The following TRIQK variants were observed in gnomAD, a reference collection of about 807,000 sequenced individuals.
TRIQK encodes the protein triple QxxK/R motif containing.
TRIQK carries 10 observed loss-of-function variants against 10.8 expected under a neutral mutation model. The ratio of observed to expected loss-of-function variants is 0.92; its 90% CI spans 0.57 to 1.57. TRIQK has a LOEUF of 1.57. Ranked by LOEUF, TRIQK falls within the 40% of genes most tolerant of loss-of-function variation. The pLI is 0.00. For synonymous variants in TRIQK, 33 were observed against 33.7 expected (o/e 0.98, Z 0.07); for missense variants, 107 against 97.7 (o/e 1.09, Z -0.40).
intron 3 of TRIQK, among the ~76,000 whole-genome samples, chr8:92,901,349 T>C (rs1384012848): frequency 6.6e-6 from 1 of 152,180 alleles, no homozygotes; most frequent in Non-Finnish European, 1.5e-5. Flanking sequence ...GCTTTCACTT[T>C]TTCCTCATTC....
At chr8:92,987,670 T>A (rs1431390070) in intron 1 of TRIQK, among the ~76,000 whole-genome samples, 1 of 152,152 alleles carries the variant, frequency 6.6e-6, no homozygotes, top group African/African-American at 2.4e-5. Context: ...TAAAGAAAAT[T>A]ATAATTTTCT....
chr8:92,927,845 A>ATTTGTCTTGTTTGC (rs1220354885), intron 2 of TRIQK: 1 of 152,100 alleles, frequency 6.6e-6, no homozygotes, highest in Non-Finnish European at 1.5e-5. Flanking sequence ...TTCTTGTTTG[A>ATTTGTCTTGTTTGC]TTTGTCTTGT....
chr8:92,920,102 A>G (rs1336152126), intron 2 of TRIQK, among the ~76,000 whole-genome samples: 1 of 150,468 alleles, frequency 6.6e-6, no homozygotes, highest in Non-Finnish European at 1.5e-5. Flanking sequence ...TTTTTTTTGT[A>G]TTTTTTTGTC....
intron 2 of TRIQK, among the ~76,000 whole-genome samples, chr8:92,940,368 C>G (rs1303660743): frequency 2.0e-5 from 3 of 147,990 alleles, no homozygotes; most frequent in Non-Finnish European, 4.5e-5. Context: ...ACTGTATATA[C>G]TGTCTGCAAG....
intron 3 of TRIQK, among the ~76,000 whole-genome samples, chr8:92,897,071 C>T (rs1042095253): frequency 1.2e-4 from 19 of 152,124 alleles, no homozygotes; most frequent in African/African-American, 3.1e-4. Context: ...CCCACCTCGG[C>T]GTCCCAAAGT....
chr8:93,003,837 G>C (rs2130758732), intron 1 of TRIQK, among the ~76,000 whole-genome samples: 1 of 152,326 alleles, frequency 6.6e-6, no homozygotes, highest in Middle Eastern at 3.4e-3. Context: ...AAACTCAGCA[G>C]GGAAGTCATT....
chr8:92,966,386 C>T (rs572260183), upstream of TRIQK, among the ~76,000 whole-genome samples: 16 of 152,094 alleles, frequency 1.1e-4, no homozygotes, highest in Non-Finnish European at 2.1e-4. Flanking sequence ...GATTATTGAA[C>T]CCTCCCATCT....
At chr8:92,970,055 G>A (rs144208719), upstream of TRIQK, among the ~76,000 whole-genome samples, 479 of 152,172 alleles carry the variant, frequency 3.1e-3, 3 homozygotes, top group African/African-American at 0.011. Flanking sequence ...TTGGTTTTCT[G>A]TTCTTACATT....
chr8:92,923,783 G>A (rs565232321), intron 2 of TRIQK, among the ~76,000 whole-genome samples: 28 of 151,784 alleles, frequency 1.8e-4, no homozygotes, highest in East Asian at 1.5e-3. Context: ...GCAATTTTGC[G>A]AACTGTATTT....
chr8:92,905,859 A>C (rs1426011195), intron 3 of TRIQK, among the ~76,000 whole-genome samples: 1 of 152,188 alleles, frequency 6.6e-6, no homozygotes, highest in African/African-American at 2.4e-5. Flanking sequence ...GCATCTGCTA[A>C]GAAACAACTC....
chr8:92,961,850 AGTTTATGCT>A (rs1812474125), intron 1 of TRIQK, among the ~76,000 whole-genome samples: 1 of 152,208 alleles, frequency 6.6e-6, no homozygotes, highest in African/African-American at 2.4e-5. Flanking sequence ...GAACTAAGCT[AGTTTATGCT>A]GTTGTCATTC....
At chr8:92,952,031 G>C (rs1320863747) in intron 2 of TRIQK, among the ~76,000 whole-genome samples, 1 of 151,444 alleles carries the variant, frequency 6.6e-6, no homozygotes, top group Non-Finnish European at 1.5e-5. Context: ...CTTTTACCCA[G>C]TACATCATAT....
chr8:92,901,280 G>A (rs1411068973), intron 3 of TRIQK, among the ~76,000 whole-genome samples: 8 of 152,040 alleles, frequency 5.3e-5, no homozygotes, highest in Non-Finnish European at 8.8e-5. Context: ...CCAGTACCAT[G>A]TTGAATAACG....
At chr8:92,972,916 G>A (rs1339292965) in intron 1 of TRIQK, 1 of 152,144 alleles carries the variant, frequency 6.6e-6, no homozygotes, top group Non-Finnish European at 1.5e-5. Flanking sequence ...CTTATTTTTT[G>A]TAAGTTCAGT....
intron 2 of TRIQK, among the ~76,000 whole-genome samples, chr8:92,952,842 C>T (rs1811977422): frequency 6.6e-6 from 1 of 152,018 alleles, no homozygotes; most frequent in African/African-American, 2.4e-5. Context: ...ACCAATGAAA[C>T]TCTAAATGCC....
chr8:92,965,061 G>T (rs1489874294), intron 1 of TRIQK: 1 of 152,154 alleles, frequency 6.6e-6, no homozygotes, highest in Non-Finnish European at 1.5e-5. Flanking sequence ...AACAAAGGCA[G>T]ATTTAAAATG....
chr8:93,014,900 C>T (rs1356406285), intron 1 of TRIQK, among the ~76,000 whole-genome samples: 1 of 151,918 alleles, frequency 6.6e-6, no homozygotes, highest in African/African-American at 2.4e-5. Flanking sequence ...TTACATGGTG[C>T]ACAGCAGTAA....
intron 1 of TRIQK, among the ~76,000 whole-genome samples, chr8:93,003,632 A>G (rs1031241563): frequency 1.3e-5 from 2 of 152,156 alleles, no homozygotes; most frequent in East Asian, 1.9e-4. Flanking sequence ...TCATTCCAAT[A>G]TTAACTTAAA....
chr8:92,964,206 C>G (rs1812611819), intron 1 of TRIQK, among the ~76,000 whole-genome samples: 1 of 152,114 alleles, frequency 6.6e-6, no homozygotes, highest in African/African-American at 2.4e-5. Flanking sequence ...AAGCCCCACT[C>G]TGCTCCCAGC....
Sources: allele counts gnomAD v4.1 joint callset (sites outside exome capture counted in the v4.1 genomes callset), GRCh38; gene constraint gnomAD v4.1.1; transcripts MANE v1.5; gene names NCBI Gene and HGNC (gene_info 2026-07-23, HGNC 2026-07-21).